PRMT7: variants seen among roughly 807,000 people sequenced by gnomAD.
PRMT7 encodes protein arginine N-methyltransferase 7.
In PRMT7, 75 loss-of-function variants were observed where a neutral mutation model predicts 85.4. That is an observed-to-expected ratio of 0.88 (90% CI 0.73 to 1.06). The LOEUF is 1.06. Ranked by LOEUF, PRMT7 falls within the 50% of genes least tolerant of loss-of-function variation. The probability of loss-of-function intolerance (pLI) is 0.00; values close to 1 mark genes in which losing one functional copy is unlikely to be tolerated. For missense variants in PRMT7, 868 were observed against 915.2 expected (o/e 0.95, Z 0.67); for synonymous variants, 397 against 359.5 (o/e 1.10, Z -1.18).
At chr16:68,343,021 A>G (rs1481713017) in intron 9 of PRMT7, among the ~76,000 whole-genome samples, 1 of 152,168 alleles carries the variant, frequency 6.6e-6, no homozygotes, top group African/African-American at 2.4e-5. Flanking sequence ...CCTGGCTAAC[A>G]TGTTGAAACC....
chr16:68,311,032 C>A lies in PRMT7; in HGVS notation c.-286C>A. 2 of 1,041,672 alleles carry A rather than the reference C, an allele frequency of 1.9e-6. No homozygotes were observed. The highest frequency in any genetic ancestry group is 2.7e-5 in the South Asian group (2 of 73,730). 64.5% of individuals were successfully genotyped at this position (1,041,672 alleles called of 1,614,324 possible). A position where few individuals can be genotyped will look rare whatever the true frequency, so the allele number is the denominator to read the frequency against. ...AGCACGCTCCTCGACGCTGCGAGGTCCCGCCCCGCGTGCTGGCCGCGGTAA... is the reference window on the plus strand; with the variant it reads ...AGCACGCTCCTCGACGCTGCGAGGTACCGCCCCGCGTGCTGGCCGCGGTAA... On this transcript the variant is annotated 5_prime_UTR_variant, in exon 1 of 19. Transcript: ENST00000441236.
intron 3 of PRMT7, among the ~76,000 whole-genome samples, chr16:68,317,763 G>A (rs1457185130): frequency 2.0e-5 from 3 of 151,948 alleles, no homozygotes; most frequent in Non-Finnish European, 4.4e-5. Flanking sequence ...CCTGGGAGGC[G>A]GAGGTTGCCA....
At chr16:68,340,636 A>T (rs1477750315) in intron 9 of PRMT7, among the ~76,000 whole-genome samples, 3 of 151,972 alleles carry the variant, frequency 2.0e-5, no homozygotes, top group African/African-American at 7.3e-5. Context: ...TCTCATTTTC[A>T]CCTACTAGTG....
chr16:68,322,610 C>G (rs1461043419), intron 4 of PRMT7, among the ~76,000 whole-genome samples: 1 of 152,126 alleles, frequency 6.6e-6, no homozygotes, highest in Non-Finnish European at 1.5e-5. Context: ...TCCAGATTCA[C>G]TGTAATATCT....
rs535108001 is a variant in PRMT7 at position 68,347,507 on chromosome 16, A to T, written c.1276-124A>T. ...GTGTTCAGGCTGCCCCAGGGAGGGAATGAGGGCAGGGAGGGTTGTTCAGGT... is the reference window on the plus strand; with the variant it reads ...GTGTTCAGGCTGCCCCAGGGAGGGATTGAGGGCAGGGAGGGTTGTTCAGGT... On this transcript the variant is annotated intron_variant, in intron 12 of 18. Coordinates refer to ENST00000441236, the MANE Select transcript of PRMT7 (RefSeq NM_019023.5). The T allele has an allele frequency of 5.3e-6, 6 of 1,126,008 alleles. No individual in the cohort carries two copies. In the African/African-American group the frequency reaches 9.2e-5, roughly 17 times the overall value. 69.8% of individuals were successfully genotyped at this position (1,126,008 alleles called of 1,614,324 possible).
intron 3 of PRMT7, among the ~76,000 whole-genome samples, chr16:68,318,407 G>T (rs930401060): frequency 1.3e-5 from 2 of 152,216 alleles, no homozygotes; most frequent in Admixed American, 1.3e-4. Context: ...CACCGTGTTA[G>T]CCAGGATGAT....
At chr16:68,328,876 A>ATG (rs1282365719) in intron 5 of PRMT7, among the ~76,000 whole-genome samples, 190 bp from the exon 6 acceptor site, 11 of 152,170 alleles carry the variant, frequency 7.2e-5, no homozygotes, top group Non-Finnish European at 1.6e-4. Flanking sequence ...CTGGCACGGA[A>ATG]TGAGAGTCCC....
intron 6 of PRMT7, among the ~76,000 whole-genome samples, chr16:68,333,658 G>A (rs988041196): frequency 3.3e-5 from 5 of 151,958 alleles, no homozygotes; most frequent in African/African-American, 9.7e-5. Context: ...CCATTTTGAC[G>A]GCAGGGAGAC....
intron 17 of PRMT7, among the ~76,000 whole-genome samples, chr16:68,356,369 C>T (rs1050285147): frequency 6.6e-6 from 1 of 152,360 alleles, no homozygotes; most frequent in East Asian, 1.9e-4. Context: ...CACCTGAGCT[C>T]CCAGGGTTGC....
intron 14 of PRMT7, 139 bp from the exon 15 acceptor site, chr16:68,352,109 T>G (rs2087471353): frequency 1.2e-6 from 1 of 837,520 alleles, no homozygotes; most frequent in African/African-American, 1.7e-5. Flanking sequence ...AATGAGTGAG[T>G]GACTGAGTGA....
chr16:68,321,580 AG>A, intron 4 of PRMT7, 118 bp downstream of exon 4: 2 of 947,584 alleles, frequency 2.1e-6, no homozygotes, highest in Non-Finnish European at 3.2e-6. Flanking sequence ...CGTATGGTGT[AG>A]AAGTCAGGAA....
intron 18 of PRMT7, 31 bp from the exon 19 acceptor site, chr16:68,357,023 C>T (rs1389872323): frequency 1.3e-6 from 2 of 1,576,722 alleles, no homozygotes; most frequent in South Asian, 1.2e-5. Flanking sequence ...GCCAGGGAGC[C>T]CTCACCATCT....
At position 68,347,197 on chromosome 16, in the gene PRMT7, C is replaced by T; in HGVS notation, c.1192-14C>T. ...TGGAGGAAGCCCTGTGCTGAGCTTG[C>T]CTGTTCCCCGCAGGTGCTGAAGCCA... is the stretch of plus-strand genomic sequence containing the variant. On this transcript the variant is annotated splice_polypyrimidine_tract_variant and intron_variant, in intron 11 of 18. Transcript: ENST00000441236. 1 of 1,550,642 alleles carries T rather than the reference C, an allele frequency of 6.4e-7. No individual in the cohort carries two copies. The highest frequency in any genetic ancestry group is 1.4e-5 in the African/African-American group (1 of 73,138).
chr16:68,313,524 C>A (rs917208618), intron 2 of PRMT7, among the ~76,000 whole-genome samples: 2 of 152,126 alleles, frequency 1.3e-5, no homozygotes, highest in Non-Finnish European at 2.9e-5. Flanking sequence ...ATGCCTTCTC[C>A]GTCCACAACC....
intron 10 of PRMT7, 143 bp downstream of exon 10, chr16:68,345,945 T>TCA: frequency 7.3e-7 from 1 of 1,372,854 alleles, no homozygotes; most frequent in Non-Finnish European, 1.0e-6. Context: ...GACCAGTGTG[T>TCA]CAGTGCCCAT....
chr16:68,356,940 A>G, intron 18 of PRMT7, 114 bp from the exon 19 acceptor site: 1 of 1,391,762 alleles, frequency 7.2e-7, no homozygotes. Context: ...GTCCTGGGCC[A>G]TCTGGCCCCT....
intron 9 of PRMT7, among the ~76,000 whole-genome samples, chr16:68,343,051 AAAG>A (rs2151783248): frequency 6.6e-6 from 1 of 152,186 alleles, no homozygotes; most frequent in East Asian, 1.9e-4. Flanking sequence ...CTAAAAATAC[AAAG>A]AAAATTAGCC....
At chr16:68,325,115 C>T (rs186921560) in intron 5 of PRMT7, among the ~76,000 whole-genome samples, 57 of 151,222 alleles carry the variant, frequency 3.8e-4, no homozygotes, top group African/African-American at 1.4e-3. Flanking sequence ...CCCAGCACTT[C>T]GGGAGGGTGA....
rs910537562 is a variant in PRMT7, at chr16:68,353,652, G to C, written c.1650+86G>C. 18 of 1,330,302 alleles carry C rather than the reference G, an allele frequency of 1.4e-5. No individual in the cohort carries two copies. The Admixed American group carries it at 2.2e-4, about 16-fold the overall frequency. The allele number at this position is 1,330,302 out of a possible 1,614,324, so 82.4% of individuals were successfully genotyped here. ...CAGGGTCCCAGCTTGGGCAGCACAG[G>C]CTCTTCTGTTGGGGGCAGTGAGGTC... On this transcript the variant is annotated intron_variant, in intron 16 of 18. Coordinates refer to ENST00000441236, the MANE Select transcript of PRMT7 (RefSeq NM_019023.5).
Sources: gnomAD v4.1 joint callset for allele counts (sites outside exome capture counted in the v4.1 genomes callset) on GRCh38, gnomAD v4.1.1 for gene constraint, MANE v1.5 for transcripts, NCBI Gene and HGNC (gene_info 2026-07-23, HGNC 2026-07-21) for gene names.